SLF1: variants seen among roughly 807,000 people sequenced by gnomAD.
SLF1 encodes the protein SMC5-SMC6 complex localization factor protein 1.
In SLF1, 105 loss-of-function variants were observed where a neutral mutation model predicts 123.0. That is an observed-to-expected ratio of 0.85 (90% CI 0.73 to 1.00). The LOEUF (loss-of-function observed/expected upper bound fraction) is 1.00, where lower values mean the gene tolerates loss of function less well. Among genes scored for constraint, SLF1 ranks in the 50% least tolerant of loss-of-function variants. The pLI is 0.00. For synonymous variants in SLF1, 434 were observed against 406.6 expected (o/e 1.07, Z -0.81); for missense variants, 1,239 against 1,223.0 (o/e 1.01, Z -0.20).
chr5:94,621,286 TG>T (rs1272266223), intron 1 of SLF1, among the ~76,000 whole-genome samples: 5 of 152,228 alleles, frequency 3.3e-5, no homozygotes, highest in Non-Finnish European at 5.9e-5. Flanking sequence ...GACTTATATG[TG>T]CATCTTGTTT....
chr5:94,668,165 T>A (rs1370658001), intron 12 of SLF1, among the ~76,000 whole-genome samples: 1 of 152,030 alleles, frequency 6.6e-6, no homozygotes, highest in Admixed American at 6.6e-5. Context: ...TCTTTCCTTT[T>A]CAAATCTCAC....
intron 1 of SLF1, among the ~76,000 whole-genome samples, chr5:94,627,636 A>G (rs1463306935): frequency 7.1e-6 from 1 of 140,634 alleles, no homozygotes; most frequent in Non-Finnish European, 1.5e-5. Flanking sequence ...GTTAAGAAAT[A>G]TGGATTGCAA....
intron 9 of SLF1, among the ~76,000 whole-genome samples, chr5:94,659,173 G>A (rs1311027603): frequency 1.3e-5 from 2 of 151,342 alleles, no homozygotes; most frequent in Non-Finnish European, 2.9e-5. Context: ...TTAAGTTCCA[G>A]GATTTCTGTT....
chr5:94,642,889 T>A (rs1294778207), intron 4 of SLF1, among the ~76,000 whole-genome samples: 1 of 152,160 alleles, frequency 6.6e-6, no homozygotes, highest in Non-Finnish European at 1.5e-5. Flanking sequence ...TGCAACTGGT[T>A]CCATATTTTA....
At chr5:94,684,327 T>C (rs1752140075) in intron 15 of SLF1, among the ~76,000 whole-genome samples, 1 of 152,202 alleles carries the variant, frequency 6.6e-6, no homozygotes, top group Non-Finnish European at 1.5e-5. Flanking sequence ...TTGTACATTT[T>C]TAGATAATAT....
At chr5:94,641,195 C>G (rs1450628867) in intron 4 of SLF1, among the ~76,000 whole-genome samples, 1 of 150,220 alleles carries the variant, frequency 6.7e-6, no homozygotes, top group Non-Finnish European at 1.5e-5. Flanking sequence ...GCCCCACCCC[C>G]CCACAAAAAC....
rs1028720839 is a variant in SLF1, at chr5:94,629,178, TG to T, written c.190+12del. 2.1e-5 allele frequency: 33 copies of T among 1,539,706 alleles called. No homozygotes were observed. The highest frequency in any genetic ancestry group is 2.8e-5 in the Non-Finnish European group (32 of 1,141,238). ...CAGCTTGTGCGGCAGGTAAGTTAAC[TG>T]TCTTCCCCCAACTTTTAAAAACAAT... On this transcript the variant is annotated intron_variant, in intron 3 of 20. Coordinates refer to ENST00000265140, the MANE Select transcript of SLF1 (RefSeq NM_032290.4).
chr5:94,664,694 AT>A (rs1321331332), intron 11 of SLF1, among the ~76,000 whole-genome samples: 2 of 152,228 alleles, frequency 1.3e-5, no homozygotes, highest in Non-Finnish European at 2.9e-5. Flanking sequence ...TTCAGGTAAC[AT>A]TTGAGACCTC....
At chr5:94,692,691 T>G (rs1753168359) in intron 20 of SLF1, among the ~76,000 whole-genome samples, 1 of 152,158 alleles carries the variant, frequency 6.6e-6, no homozygotes, top group Non-Finnish European at 1.5e-5. Context: ...TAATGAGTCA[T>G]TTCTGTACAG....
intron 5 of SLF1, among the ~76,000 whole-genome samples, chr5:94,644,683 T>C (rs1746811006): frequency 6.6e-6 from 1 of 152,196 alleles, no homozygotes; most frequent in Non-Finnish European, 1.5e-5. Context: ...GTTACAATGT[T>C]ACTCTACAGG....
At chr5:94,666,793 C>T (rs1166804935) in intron 12 of SLF1, among the ~76,000 whole-genome samples, 3 of 152,014 alleles carry the variant, frequency 2.0e-5, no homozygotes, top group Admixed American at 6.6e-5. Flanking sequence ...TGTGCCTCCA[C>T]GTCCAGCTAA....
chr5:94,663,472 C>T (rs1023410337), intron 10 of SLF1, among the ~76,000 whole-genome samples: 3 of 152,184 alleles, frequency 2.0e-5, no homozygotes, highest in African/African-American at 4.8e-5. Flanking sequence ...GGTGAAACCC[C>T]GTCTCTGCTA....
At chr5:94,644,611 T>G (rs1377110226) in intron 5 of SLF1, among the ~76,000 whole-genome samples, 2 of 152,218 alleles carry the variant, frequency 1.3e-5, no homozygotes, top group African/African-American at 4.8e-5. Flanking sequence ...TCTGAAAAGT[T>G]ATTCTCCACT....
intron 4 of SLF1, among the ~76,000 whole-genome samples, chr5:94,639,946 T>C (rs190387832): frequency 6.6e-6 from 1 of 152,064 alleles, no homozygotes; most frequent in African/African-American, 2.4e-5. Context: ...TTTGTTCTTC[T>C]ATCCTTTTTT....
At position 94,629,271 on chromosome 5, in the gene SLF1, G is replaced by A. The variant is rs970599899; in HGVS notation, c.190+104G>A. The stretch of plus-strand genomic sequence containing the variant: ...GCATATTTACATATCAAACCTAAAT[G>A]TGTTTTTCTGATATTTTTTGAAAAT... On this transcript the variant is annotated intron_variant, in intron 3 of 20. Transcript: ENST00000265140. 13 of 760,776 alleles carry A rather than the reference G, an allele frequency of 1.7e-5. No homozygotes were observed. In the African/African-American group the frequency reaches 2.4e-4, roughly 14 times the overall value. 47.1% of individuals were successfully genotyped at this position (760,776 alleles called of 1,614,324 possible).
intron 1 of SLF1, among the ~76,000 whole-genome samples, chr5:94,624,394 G>C (rs1339108110): frequency 6.6e-6 from 1 of 152,112 alleles, no homozygotes; most frequent in Non-Finnish European, 1.5e-5. Context: ...AATATACAAA[G>C]TGGGTCATTT....
At chr5:94,686,790 GTTAT>G (rs995659138) in intron 16 of SLF1, 72 bp downstream of exon 16, 3 of 897,210 alleles carry the variant, frequency 3.3e-6, no homozygotes, top group Admixed American at 4.4e-5. Context: ...TATTTATTTA[GTTAT>G]TTATTTATTT....
intron 4 of SLF1, among the ~76,000 whole-genome samples, chr5:94,638,553 ATGAGTGGACTTCC>A (rs1746076366): frequency 6.6e-6 from 1 of 152,172 alleles, no homozygotes; most frequent in Non-Finnish European, 1.5e-5. Context: ...GAGGTGACAC[ATGAGTGGACTTCC>A]TGAGATGTAT....
chr5:94,678,808 G>T lies in SLF1; in HGVS notation c.1828G>T (p.Val610Phe), dbSNP rs767719000. Residue 610 changes from valine to phenylalanine, a missense_variant and splice_region_variant, in exon 15 of 21, where the codon GTC becomes TTC. Transcript: ENST00000265140. The part of the protein sequence containing the change: ...SHKEKFKSND[V>F]FKHELAYLLA... ...TAATTTTTTTGTATCTTAATGTTAG[G>T]TCTTCAAACATGAACTAGCTTACTT... is the stretch of plus-strand genomic sequence containing the variant. 2.3e-5 allele frequency: 37 copies of T among 1,609,606 alleles called. No individual in the cohort carries two copies. Among genetic ancestry groups the T allele is most frequent in the Non-Finnish European group, 3.1e-5 (37 of 1,177,000 alleles).
Sources: allele counts gnomAD v4.1 joint callset (sites outside exome capture counted in the v4.1 genomes callset), GRCh38; gene constraint gnomAD v4.1.1; transcripts MANE v1.5; gene names NCBI Gene and HGNC (gene_info 2026-07-23, HGNC 2026-07-21).